Variants in RFX7 observed in about 807,000 individuals in gnomAD.
RFX7 encodes the protein DNA-binding protein RFX7.
A neutral mutation model predicts 111.8 loss-of-function variants in RFX7; 26 were observed. The ratio of observed to expected loss-of-function variants is 0.23; its 90% CI spans 0.17 to 0.32. RFX7 has a LOEUF of 0.32. RFX7 is among the 10% of genes least tolerant of loss of function. RFX7 has a pLI of 1.00. For missense variants in RFX7, 1,573 were observed against 1,772.9 expected (o/e 0.89, Z 2.02); for synonymous variants, 624 against 624.4 (o/e 1.00, Z 0.01).
At chr15:56,141,366 C>T (rs1244934539) in intron 5 of RFX7, among the ~76,000 whole-genome samples, 1 of 151,606 alleles carries the variant, frequency 6.6e-6, no homozygotes, top group African/African-American at 2.4e-5. Flanking sequence ...AACCCTGTCT[C>T]AAAAAACAAA....
chr15:56,213,695 A>C (rs780277939), intron 2 of RFX7, among the ~76,000 whole-genome samples: 6 of 152,206 alleles, frequency 3.9e-5, no homozygotes, highest in Non-Finnish European at 8.8e-5. Context: ...AAGGGTACAC[A>C]TGATCTCTCT....
intron 5 of RFX7, among the ~76,000 whole-genome samples, chr15:56,123,918 T>C (rs547749296): frequency 3.9e-5 from 6 of 152,268 alleles, no homozygotes; most frequent in Non-Finnish European, 5.9e-5. Flanking sequence ...TGCTGGGAGA[T>C]GGGGGAGAGG....
Position 56,129,229 on chromosome 15 carries a change from G to A in RFX7, c.401+13549C>T, listed in dbSNP as rs369508506. Reference sequence around the variant, plus strand: ...ATCCCTATAATAAATATAAAAATTAGCCAGGCGTGGTGGTGCATGCCTGTA... The same window carrying A: ...ATCCCTATAATAAATATAAAAATTAACCAGGCGTGGTGGTGCATGCCTGTA... On this transcript the variant is annotated intron_variant, in intron 5 of 9. Coordinates refer to ENST00000559447, the MANE Select transcript of RFX7 (RefSeq NM_022841.7). Among the ~76,000 whole-genome samples the A allele has an allele frequency of 1.1e-4, 17 of 152,154 alleles. No homozygotes were observed. In the East Asian group the frequency reaches 2.5e-3, roughly 23 times the overall value.
intron 5 of RFX7, among the ~76,000 whole-genome samples, chr15:56,126,483 C>A (rs2042147671): frequency 6.6e-6 from 1 of 152,058 alleles, no homozygotes; most frequent in South Asian, 2.1e-4. Context: ...AGGACCCCAC[C>A]TGATACAGAG....
At chr15:56,158,640 T>C (rs971876894) in intron 3 of RFX7, among the ~76,000 whole-genome samples, 3 of 152,098 alleles carry the variant, frequency 2.0e-5, no homozygotes, top group Admixed American at 6.6e-5. Flanking sequence ...CTGGGCAATA[T>C]GGCAAAATCC....
chr15:56,242,912 G>A (rs1013705324), intron 2 of RFX7, among the ~76,000 whole-genome samples: 10 of 152,284 alleles, frequency 6.6e-5, no homozygotes, highest in Non-Finnish European at 1.3e-4. Context: ...TGAGGAAGGG[G>A]TAAAAGCATT....
chr15:56,145,389 A>G (rs1476112728), intron 3 of RFX7, among the ~76,000 whole-genome samples: 1 of 152,220 alleles, frequency 6.6e-6, no homozygotes, highest in Non-Finnish European at 1.5e-5. Context: ...TTTTGAAAAT[A>G]CTTAACATGA....
chr15:56,132,624 G>T (rs1230209700), intron 5 of RFX7, among the ~76,000 whole-genome samples: 1 of 151,976 alleles, frequency 6.6e-6, no homozygotes, highest in African/African-American at 2.4e-5. Context: ...AGCAGCTGGT[G>T]GCATGGAGTT....
At position 56,110,349 on chromosome 15, in the gene RFX7, C is replaced by T. The variant is rs1358834930; in HGVS notation, c.402-6679G>A. ...GGGGTCAGCCCCCCGCCTGGCCAGC[C>T]GCCTCGTCCGGGAGGGAGGTGGGGG... On this transcript the variant is annotated intron_variant, in intron 5 of 9. Transcript: ENST00000559447. Among the ~76,000 whole-genome samples, 32 of 111,630 alleles carry T rather than the reference C, an allele frequency of 2.9e-4. 1 individual carries two copies. Among genetic ancestry groups the T allele is most frequent in the African/African-American group, 1.0e-3 (31 of 30,402 alleles). The allele number at this position is 111,630 out of a possible 152,430, so 73.2% of individuals were successfully genotyped here.
At chr15:56,187,175 G>A (rs1477293637) in intron 2 of RFX7, among the ~76,000 whole-genome samples, 1 of 151,024 alleles carries the variant, frequency 6.6e-6, no homozygotes, top group African/African-American at 2.4e-5. Context: ...CAACTGGAAG[G>A]AAGTTAGCCT....
chr15:56,110,287 C>G (rs1251371851), intron 5 of RFX7, among the ~76,000 whole-genome samples: 1 of 100,212 alleles, frequency 1.0e-5, no homozygotes, highest in Non-Finnish European at 2.2e-5. Context: ...CAGCCCCCCG[C>G]CTGGCCAGCC....
At chr15:56,123,092 C>G (rs2042099049) in intron 5 of RFX7, among the ~76,000 whole-genome samples, 1 of 152,098 alleles carries the variant, frequency 6.6e-6, no homozygotes, top group African/African-American at 2.4e-5. Flanking sequence ...AAACAAAATC[C>G]CCTTTATTCT....
rs2041594260 is a variant in RFX7 at position 56,091,409 on chromosome 15, A to T, written c.*1936T>A. 6.6e-6 allele frequency: 1 copy of T among 152,538 alleles called. No individual in the cohort carries two copies. Among genetic ancestry groups the T allele is most frequent in the African/African-American group, 2.4e-5 (1 of 41,448 alleles). 9.4% of individuals were successfully genotyped at this position (152,538 alleles called of 1,614,324 possible). A position where few individuals can be genotyped will look rare whatever the true frequency, so the allele number is the denominator to read the frequency against. ...GCTGGACGAATTCAACCAAATTTAA[A>T]GAGTTTGCTGCAATACTGTACAAGG... is the stretch of plus-strand genomic sequence containing the variant. On this transcript the variant is annotated 3_prime_UTR_variant, in exon 10 of 10. Transcript: ENST00000559447.
chr15:56,241,092 C>G (rs1257687790), intron 2 of RFX7, among the ~76,000 whole-genome samples: 1 of 151,934 alleles, frequency 6.6e-6, no homozygotes, highest in East Asian at 1.9e-4. Context: ...TAAAGTTGAT[C>G]ATTAGATGCC....
chr15:56,223,670 G>A (rs2043449785), intron 2 of RFX7, among the ~76,000 whole-genome samples: 1 of 152,030 alleles, frequency 6.6e-6, no homozygotes, highest in African/African-American at 2.4e-5. Flanking sequence ...AATTTTTCAA[G>A]AAATTAAAAA....
intron 5 of RFX7, among the ~76,000 whole-genome samples, chr15:56,138,961 T>G (rs1172257612): frequency 3.3e-5 from 5 of 152,188 alleles, no homozygotes; most frequent in Admixed American, 6.5e-5. Flanking sequence ...TCTTCTGGCT[T>G]GTAGGGTTTC....
At chr15:56,112,379 C>CAAAAAAAAAAA (rs71110374) in intron 5 of RFX7, among the ~76,000 whole-genome samples, 608 of 71,544 alleles carry the variant, frequency 8.5e-3, no homozygotes, top group Non-Finnish European at 1.0e-2. Context: ...GAGTACAAAT[C>CAAAAAAAAAAA]AAAAAAAAAA....
chr15:56,169,755 G>GCT (rs1214910918), intron 3 of RFX7, among the ~76,000 whole-genome samples: 3 of 123,700 alleles, frequency 2.4e-5, no homozygotes, highest in Non-Finnish European at 4.8e-5. Context: ...CACTTCACCT[G>GCT]CTCAAATCCT....
intron 5 of RFX7, among the ~76,000 whole-genome samples, chr15:56,115,154 C>T (rs1340615742): frequency 2.0e-5 from 3 of 152,088 alleles, no homozygotes; most frequent in Admixed American, 6.6e-5. Flanking sequence ...GGATTATAAG[C>T]GCCCACCACC....
Sources: gnomAD v4.1 joint callset for allele counts (sites outside exome capture counted in the v4.1 genomes callset) on GRCh38, gnomAD v4.1.1 for gene constraint, MANE v1.5 for transcripts, NCBI Gene and HGNC (gene_info 2026-07-23, HGNC 2026-07-21) for gene names.